ZNF236: variants seen among roughly 807,000 people sequenced by gnomAD.
ZNF236 encodes the protein regulated by glucose.
ZNF236 carries 50 observed loss-of-function variants against 191.2 expected under a neutral mutation model. The ratio of observed to expected loss-of-function variants is 0.26; its 90% confidence interval spans 0.21 to 0.33. The LOEUF is 0.33. ZNF236 is among the 10% of genes least tolerant of loss of function. ZNF236 has a pLI of 1.00. For synonymous variants in ZNF236, 907 were observed against 928.8 expected, an observed-to-expected ratio of 0.98 and a Z score of 0.43; for missense variants, 1,754 against 2,374.5, an observed-to-expected ratio of 0.74 and a Z score of 5.43.
At chr18:76,870,268 ATTTTT>A (rs3842672) in intron 4 of ZNF236, among the ~76,000 whole-genome samples, 1 of 151,598 alleles carries the variant, frequency 6.6e-6, no homozygotes, top group African/African-American at 2.4e-5. Context: ...GATTTCAGTG[ATTTTT>A]TTTTTCTTTT....
In ZNF236 at chr18:76,919,398, T is replaced by C. The variant is rs1967471380; in HGVS notation, c.3275-378T>C. 6.6e-6 allele frequency among the ~76,000 whole-genome samples: 1 copy of C among 152,244 alleles called. No homozygotes were observed. The highest frequency in any genetic ancestry group is 1.5e-5 in the Non-Finnish European group (1 of 68,044). Reference sequence around the variant, plus strand: ...TGGGGTATTCATCACCTTAAGTATTTAGCAGTTTCTAAGTATGGGAACATT... The same window carrying C: ...TGGGGTATTCATCACCTTAAGTATTCAGCAGTTTCTAAGTATGGGAACATT... On this transcript the variant is annotated intron_variant, in intron 19 of 30. Coordinates refer to ENST00000320610, the MANE Select transcript of ZNF236 (RefSeq NM_001306089.2). The surrounding 1 kb of genome is among the most constrained non-coding windows in gnomAD (Gnocchi z 5.3).
intron 25 of ZNF236, chr18:76,936,299 G>A (rs762790995): frequency 9.0e-5 from 41 of 456,106 alleles, no homozygotes; most frequent in Non-Finnish European, 1.5e-4. Flanking sequence ...CTCGACTGTG[G>A]GATAAAGTGA....
At chr18:76,921,351 A>G (rs1002761078) in intron 20 of ZNF236, among the ~76,000 whole-genome samples, 2 of 152,184 alleles carry the variant, frequency 1.3e-5, no homozygotes, top group African/African-American at 4.8e-5. Flanking sequence ...CCGGGGTAGG[A>G]TCTAAGTTGA....
intron 28 of ZNF236, among the ~76,000 whole-genome samples, chr18:76,958,172 G>A (rs551008468): frequency 1.3e-5 from 2 of 152,288 alleles, no homozygotes; most frequent in African/African-American, 2.4e-5. Flanking sequence ...GCCGACAGGT[G>A]TGTTGCAGTA....
chr18:76,890,540 C>T (rs1977199271), intron 9 of ZNF236, among the ~76,000 whole-genome samples: 1 of 151,944 alleles, frequency 6.6e-6, no homozygotes, highest in African/African-American at 2.4e-5. Flanking sequence ...GTAGATTTAC[C>T]CTTCTAGGAG....
intron 10 of ZNF236, among the ~76,000 whole-genome samples, chr18:76,896,035 C>T (rs1977396059): frequency 6.6e-6 from 1 of 152,002 alleles, no homozygotes; most frequent in African/African-American, 2.4e-5. Flanking sequence ...AGGTACTGCA[C>T]ATGGGTACTA....
Position 76,865,334 on chromosome 18 carries a change from TCAAAAAA to T in ZNF236, c.364-3338_364-3332del, listed in dbSNP as rs879719156. On this transcript the variant is annotated intron_variant, in intron 3 of 30. Transcript: ENST00000320610. ...CCTGGGCCACAAGAGTGAAACTCCA[TCAAAAAA>T]CAAAAAACAAAACAAAACAAAAAAA... Among the ~76,000 whole-genome samples, 5 of 152,026 alleles carry T rather than the reference TCAAAAAA, an allele frequency of 3.3e-5. No individual in the cohort carries two copies. In the South Asian group the frequency reaches 1.0e-3, roughly 32 times the overall value.
At chr18:76,834,971 A>ATT in intron 1 of ZNF236, 1 of 133,076 alleles carries the variant, frequency 7.5e-6, no homozygotes, top group Non-Finnish European at 1.6e-5. Context: ...CCTACATTTT[A>ATT]TTTTCTGTTT....
Position 76,937,314 on chromosome 18 carries a change from G to C in ZNF236, c.4753G>C (p.Asp1585His). The C allele has an allele frequency of 6.2e-7, 1 of 1,613,634 alleles. No individual in the cohort carries two copies. The highest frequency in any genetic ancestry group is 8.5e-7 in the Non-Finnish European group (1 of 1,179,798). Residue 1585 changes from aspartate to histidine, a missense_variant, in exon 26 of 31, where the codon GAC (aspartate) becomes CAC (histidine). This residue lies in a region of ZNF236 where 606 missense variants were observed against 761.5 expected (regional missense o/e 0.80). Transcript: ENST00000320610. ...DTQGMLSGGL[D>H]TVTLNITSQG... ...TCAGGGTATGCTATCTGGAGGCCTG[G>C]ACACTGTCACACTCAACATCACCTC...
intron 3 of ZNF236, among the ~76,000 whole-genome samples, chr18:76,855,551 T>G (rs949436589): frequency 6.6e-6 from 1 of 152,262 alleles, no homozygotes; most frequent in African/African-American, 2.4e-5. Flanking sequence ...CAGAGAGCTG[T>G]CACTTTCTTT....
chr18:76,878,290 G>A, intron 7 of ZNF236, 138 bp downstream of exon 7: 1 of 739,374 alleles, frequency 1.4e-6, no homozygotes, highest in Non-Finnish European at 2.0e-6. Context: ...ACTTTTTAAA[G>A]AATTAAAGTC....
chr18:76,894,999 C>T lies in ZNF236; in HGVS notation c.1418-14C>T, dbSNP rs1226243175. 1.2e-6 allele frequency: 2 copies of T among 1,606,422 alleles called. No homozygotes were observed. The highest frequency in any genetic ancestry group is 1.7e-6 in the Non-Finnish European group (2 of 1,179,594). On this transcript the variant is annotated splice_polypyrimidine_tract_variant and intron_variant, in intron 9 of 30. Transcript: ENST00000320610. ...GTGTCCAGGCCAAGCGGGACGTGTC[C>T]TCTCCCTTCACAGGCTCCATCCGCG...
At chr18:76,851,027 C>CTTT (rs1252982082) in intron 2 of ZNF236, among the ~76,000 whole-genome samples, 4 of 131,722 alleles carry the variant, frequency 3.0e-5, no homozygotes, top group Admixed American at 8.0e-5. Context: ...CTTTTTCTTT[C>CTTT]TTTTTTTTTT....
chr18:76,897,158 C>T (rs1232394182), intron 10 of ZNF236, among the ~76,000 whole-genome samples: 1 of 151,600 alleles, frequency 6.6e-6, no homozygotes, highest in Admixed American at 6.6e-5. Context: ...AAACATAGTA[C>T]TGCACACAGG....
At chr18:76,894,253 C>A (rs1033957036) in intron 9 of ZNF236, among the ~76,000 whole-genome samples, 1 of 152,172 alleles carries the variant, frequency 6.6e-6, no homozygotes, top group Non-Finnish European at 1.5e-5. Flanking sequence ...ACCATTTCAC[C>A]TTCCACTGTC....
chr18:76,880,358 G>C lies in ZNF236; in HGVS notation c.1188+42G>C, dbSNP rs1976856081. 1 of 1,551,140 alleles carries C rather than the reference G, an allele frequency of 6.4e-7. No homozygotes were observed. The highest frequency in any genetic ancestry group is 1.4e-5 in the African/African-American group (1 of 73,310). On this transcript the variant is annotated intron_variant, in intron 8 of 30. Transcript: ENST00000320610. This position sits in a 1 kb window ranked among gnomAD's most constrained non-coding sequence, Gnocchi z 5.0. ...TGCGGTGTGAGGCTTACGTGCTCGT[G>C]CTGGGTCAGAAACCAGGGATGATAA...
chr18:76,918,681 A>G (rs1967446465), intron 19 of ZNF236, among the ~76,000 whole-genome samples: 1 of 152,002 alleles, frequency 6.6e-6, no homozygotes, highest in African/African-American at 2.4e-5. Flanking sequence ...TGGCCTCCCA[A>G]TATGCTGGGA....
intron 28 of ZNF236, among the ~76,000 whole-genome samples, chr18:76,958,321 T>C (rs1320219808): frequency 6.6e-6 from 1 of 152,218 alleles, no homozygotes; most frequent in East Asian, 1.9e-4. Context: ...TAAGCCTAAC[T>C]GCACCCTTCG....
chr18:76,862,346 G>T (rs1044899588), intron 3 of ZNF236, among the ~76,000 whole-genome samples: 2 of 152,160 alleles, frequency 1.3e-5, no homozygotes, highest in Non-Finnish European at 2.9e-5. Flanking sequence ...CCAATGAAAT[G>T]CCAACTGAAA....
Sources: gnomAD v4.1 joint callset for allele counts (sites outside exome capture counted in the v4.1 genomes callset) on GRCh38, gnomAD v4.1.1 for gene constraint, gnomAD v4.1.1 regional missense constraint, Gnocchi (gnomAD v3.1) non-coding constraint, MANE v1.5 for transcripts, NCBI Gene and HGNC (gene_info 2026-07-23, HGNC 2026-07-21) for gene names.